Variants in APPL2 observed in about 807,000 individuals in gnomAD.
The protein encoded by APPL2 is adaptor protein, phosphotyrosine interacting with PH domain and leucine zipper 2.
APPL2 carries 84 observed loss-of-function variants against 92.7 expected under a neutral mutation model. The ratio of observed to expected loss-of-function variants is 0.91; its 90% CI spans 0.76 to 1.09. The LOEUF is 1.09. Among genes scored for constraint, APPL2 ranks in the 50% least tolerant of loss-of-function variants. APPL2 has a pLI of 0.00. For synonymous variants in APPL2, 291 were observed against 291.0 expected, an observed-to-expected ratio of 1.00 and a Z score of 0.00; for missense variants, 736 against 824.5, an observed-to-expected ratio of 0.89 and a Z score of 1.31.
In APPL2 at chr12:105,197,948, GT is replaced by G; in HGVS notation, c.868del (p.Thr290GlnfsTer32). 6.2e-7 allele frequency: 1 copy of G among 1,613,604 alleles called. No homozygotes were observed. The highest frequency in any genetic ancestry group is 8.5e-7 in the Non-Finnish European group (1 of 1,179,768). ...CTCCCAGGTGGTGGTGACCAGCCCTGTTTTGCTGTGAGTTGTGTTTTAAAAA... is the reference window on the plus strand; with the variant it reads ...CTCCCAGGTGGTGGTGACCAGCCCTGTTTGCTGTGAGTTGTGTTTTAAAAA... ...KAGYLNLRNKTGLVTTTWERL... is the reference protein window; with the variant it reads ...KAGYLNLRNKXGLVTTTWERL... On this transcript the variant is annotated frameshift_variant, in exon 11 of 21. Coordinates refer to ENST00000258530, the MANE Select transcript of APPL2 (RefSeq NM_018171.5). LOFTEE classifies it high-confidence loss of function.
intron 2 of APPL2, among the ~76,000 whole-genome samples, chr12:105,226,630 T>C (rs1890531965): frequency 6.6e-6 from 1 of 152,234 alleles, no homozygotes; most frequent in Non-Finnish European, 1.5e-5. Context: ...CTTGGGTTTT[T>C]AAGCCTTAAA....
intron 10 of APPL2, 62 bp downstream of exon 10, chr12:105,199,311 T>C (rs1293003715): frequency 2.6e-6 from 4 of 1,565,332 alleles, no homozygotes; most frequent in Non-Finnish European, 3.5e-6. Flanking sequence ...GTAAGATTGC[T>C]TTTCAGCCAC....
At chr12:105,193,954 C>G (rs1887434549) in intron 14 of APPL2, among the ~76,000 whole-genome samples, 1 of 152,190 alleles carries the variant, frequency 6.6e-6, no homozygotes, top group African/African-American at 2.4e-5. Context: ...CCAGGTCTTT[C>G]CAGTTAGACT....
chr12:105,179,078 C>T (rs1226266423), intron 17 of APPL2, among the ~76,000 whole-genome samples: 3 of 152,120 alleles, frequency 2.0e-5, no homozygotes, highest in African/African-American at 7.2e-5. Flanking sequence ...TGGTGGTTTG[C>T]TGCGCCCATC....
chr12:105,180,547 T>C (rs901473382), intron 17 of APPL2, among the ~76,000 whole-genome samples: 1 of 151,144 alleles, frequency 6.6e-6, no homozygotes, highest in East Asian at 1.9e-4. Flanking sequence ...ATAGCACTAT[T>C]ACTTTGGGCA....
intron 14 of APPL2, among the ~76,000 whole-genome samples, chr12:105,192,932 T>A (rs1299277519): frequency 6.6e-6 from 1 of 152,236 alleles, no homozygotes; most frequent in Non-Finnish European, 1.5e-5. Flanking sequence ...AATAGCAGTT[T>A]GTTCCCAAGA....
At position 105,194,714 on chromosome 12, in the gene APPL2, T is replaced by TA. The variant is rs556898399; in HGVS notation, c.1241+546dup. Among the ~76,000 whole-genome samples the TA allele has an allele frequency of 2.1e-3, 307 of 144,776 alleles. 1 individual carries two copies. Among genetic ancestry groups the TA allele is most frequent in the Middle Eastern group, 3.7e-3 (1 of 270 alleles). 95.0% of individuals were successfully genotyped at this position (144,776 alleles called of 152,430 possible). On this transcript the variant is annotated intron_variant, in intron 14 of 20. Coordinates refer to ENST00000258530, the MANE Select transcript of APPL2 (RefSeq NM_018171.5). ...TCGAAAAAATTAAAAAATAAGTAAG[T>TA]AAAAAAATAAATGATGGAATAGGGT...
At chr12:105,189,205 A>ATT (rs1467835293) in intron 16 of APPL2, among the ~76,000 whole-genome samples, 2 of 151,740 alleles carry the variant, frequency 1.3e-5, no homozygotes, top group African/African-American at 4.8e-5. Flanking sequence ...ATATATATAT[A>ATT]TTTTTGTAGA....
At chr12:105,216,225 T>C (rs1889677492) in intron 4 of APPL2, among the ~76,000 whole-genome samples, 1 of 151,998 alleles carries the variant, frequency 6.6e-6, no homozygotes, top group African/African-American at 2.4e-5. Context: ...TTAAACCCTT[T>C]GTAGTAAGCT....
chr12:105,174,370 G>C lies in APPL2; in HGVS notation c.1939C>G (p.Pro647Ala), dbSNP rs1303656106. The part of the protein sequence containing the change: ...DGKYVLLNDQ[P>A]DDDDGNPNEH... ...TTTGGATTTCCATCATCGTCATCTG[G>C]TTGATCGTTTAACAGTACATATTTT... Residue 647 changes from proline (P) to alanine (A), a missense_variant, in exon 21 of 21, where the codon CCA becomes GCA. By Grantham distance (27) the Pro-to-Ala change is conservative. Coordinates refer to ENST00000258530, the MANE Select transcript of APPL2 (RefSeq NM_018171.5). 4 of 1,613,996 alleles carry C rather than the reference G, an allele frequency of 2.5e-6. No individual in the cohort carries two copies. In the South Asian group the frequency reaches 4.4e-5, roughly 18 times the overall value.
rs781687745 is a variant in APPL2, at chr12:105,195,289, C to A, written c.1213G>T (p.Gly405Ter). ...LQAVTPITSF[G>*]KKQESSCPSQ... Reference sequence around the variant, plus strand: ...GGGCATGAGCTTTCTTGTTTTTTTCCAAAACTTGTAATGGGAGTCACTGCT... The same window carrying A: ...GGGCATGAGCTTTCTTGTTTTTTTCAAAAACTTGTAATGGGAGTCACTGCT... The change falls in exon 14 of 21, where the codon GGA becomes TGA. Residue 405 changes from glycine to a stop codon, truncating the protein, a stop_gained. Transcript: ENST00000258530. LOFTEE classifies it high-confidence loss of function. 6.2e-7 allele frequency: 1 copy of A among 1,613,768 alleles called. No individual in the cohort carries two copies. The highest frequency in any genetic ancestry group is 1.3e-5 in the African/African-American group (1 of 74,810).
At chr12:105,190,737 C>A (rs1232585043) in intron 14 of APPL2, among the ~76,000 whole-genome samples, 1 of 152,220 alleles carries the variant, frequency 6.6e-6, no homozygotes. Context: ...CCTCTGAACT[C>A]CTGTGATTCT....
At chr12:105,185,561 C>G (rs1260862598) in intron 17 of APPL2, among the ~76,000 whole-genome samples, 1 of 151,862 alleles carries the variant, frequency 6.6e-6, no homozygotes, top group Non-Finnish European at 1.5e-5. Flanking sequence ...TTCTGCTTGC[C>G]CTCCATAGGC....
At chr12:105,194,925 C>T (rs759436884) in intron 14 of APPL2, among the ~76,000 whole-genome samples, 4 of 151,916 alleles carry the variant, frequency 2.6e-5, no homozygotes, top group East Asian at 3.9e-4. Flanking sequence ...TTTTTGCTTT[C>T]GTTCCCTTAC....
At chr12:105,203,349 C>G in intron 9 of APPL2, 3 of 235,844 alleles carry the variant, frequency 1.3e-5, no homozygotes, top group East Asian at 9.3e-5. Context: ...AATTAATGCA[C>G]TGGTCAGAGT....
chr12:105,199,348 AAG>A, intron 10 of APPL2, 23 bp downstream of exon 10: 1 of 1,597,476 alleles, frequency 6.3e-7, no homozygotes, highest in African/African-American at 1.4e-5. Flanking sequence ...ATTTCAGAAA[AAG>A]AGGCAGACGG....
rs552777942 is a variant in APPL2, at chr12:105,214,632, T to C, written c.285+2437A>G. 3.9e-5 allele frequency among the ~76,000 whole-genome samples: 6 copies of C among 152,350 alleles called. No individual in the cohort carries two copies. In the South Asian group the frequency reaches 1.0e-3, roughly 26 times the overall value. On this transcript the variant is annotated intron_variant, in intron 4 of 20. Transcript: ENST00000258530. ...AAAACCCTTGTAATTTCCTCATCAA[T>C]AGAAGTGCTAGGAGCATATTTTGTT...
At chr12:105,218,923 A>G (rs1272194714) in intron 2 of APPL2, among the ~76,000 whole-genome samples, 2 of 152,152 alleles carry the variant, frequency 1.3e-5, no homozygotes, top group African/African-American at 4.8e-5. Flanking sequence ...CCTCTTGTTT[A>G]TTCCTCTAAT....
At chr12:105,203,633 A>G (rs547077487) in intron 9 of APPL2, 70 bp downstream of exon 9, 1 of 1,445,006 alleles carries the variant, frequency 6.9e-7, no homozygotes, top group Admixed American at 1.7e-5. Flanking sequence ...CCTCCCCGTG[A>G]CCTCCCAGAG....
Sources: allele counts gnomAD v4.1 joint callset (sites outside exome capture counted in the v4.1 genomes callset), GRCh38; gene constraint gnomAD v4.1.1; transcripts MANE v1.5; gene names NCBI Gene and HGNC (gene_info 2026-07-23, HGNC 2026-07-21).